SYNE3: variants seen among roughly 807,000 people sequenced by gnomAD.
SYNE3 encodes the protein spectrin repeat containing nuclear envelope family member 3.
A neutral mutation model predicts 111.2 loss-of-function variants in SYNE3; 100 were observed. That is an observed-to-expected ratio of 0.90 (90% CI 0.77 to 1.06). The LOEUF (loss-of-function observed/expected upper bound fraction) is 1.06. SYNE3 is among the 50% of genes least tolerant of loss of function. SYNE3 has a pLI of 0.00. For synonymous variants in SYNE3, 547 were observed against 533.9 expected, an observed-to-expected ratio of 1.02 and a Z score of -0.34; for missense variants, 1,160 against 1,240.3, an observed-to-expected ratio of 0.94 and a Z score of 0.97.
At chr14:95,418,061 G>T (rs777101883) in intron 17 of SYNE3, 35 bp from the exon 18 acceptor site, 6 of 1,600,192 alleles carry the variant, frequency 3.7e-6, no homozygotes, top group Non-Finnish European at 4.2e-6. Context: ...GAGTGGGCTG[G>T]GGGGCTCTGG....
Position 95,447,379 on chromosome 14 carries a change from G to A in SYNE3, c.1450-1288C>T, listed in dbSNP as rs529007618. Among the ~76,000 whole-genome samples, 42 of 152,094 alleles carry A rather than the reference G, an allele frequency of 2.8e-4. No individual in the cohort carries two copies. The South Asian group carries it at 2.9e-3, about 11-fold the overall frequency. On this transcript the variant is annotated intron_variant, in intron 8 of 17. Coordinates refer to ENST00000682763, the MANE Select transcript of SYNE3 (RefSeq NM_152592.6). The stretch of plus-strand genomic sequence containing the variant: ...TCTCGATCTCCTGACCTCGTGATCC[G>A]CCCACCTCGGCCTCCCAAAGTGCTG...
At chr14:95,444,399 T>TGCTGGTTACTGCTAGAGGGAGAC in intron 10 of SYNE3, 86 bp downstream of exon 10, 1 of 1,480,850 alleles carries the variant, frequency 6.8e-7, no homozygotes, top group South Asian at 1.4e-5. Context: ...GCTGTTGCTT[T>TGCTGGTTACTGCTAGAGGGAGAC]GCTGGTTACT....
rs3742344 is a variant in SYNE3 at position 95,409,760 on chromosome 14, C to G, written c.*8066G>C. On this transcript the variant is annotated 3_prime_UTR_variant, in exon 18 of 18. Transcript: ENST00000682763. Reference sequence around the variant, plus strand: ...ACAGAAGCTAAGGGAGAAACGACAGCTGGTTTTAAGTCCTCTTTGACTCTG... The same window carrying G: ...ACAGAAGCTAAGGGAGAAACGACAGGTGGTTTTAAGTCCTCTTTGACTCTG... 44,795 of 244,442 alleles carry G rather than the reference C, an allele frequency of 0.18. 4,316 individuals are homozygous for G. Among genetic ancestry groups the G allele is most frequent in the Admixed American group, 0.26 (4,936 of 19,286 alleles). 15.1% of individuals were successfully genotyped at this position (244,442 alleles called of 1,614,324 possible).
Position 95,432,114 on chromosome 14 carries a change from G to T in SYNE3, c.2692C>A (p.Gln898Lys). The T allele has an allele frequency of 6.2e-7, 1 of 1,612,378 alleles. No individual in the cohort carries two copies. The highest frequency in any genetic ancestry group is 1.1e-5 in the South Asian group (1 of 90,592). Residue 898 changes from glutamine (Q) to lysine (K), a missense_variant, in exon 17 of 18, where the codon CAA (glutamine) becomes AAA (lysine). Coordinates refer to ENST00000682763, the MANE Select transcript of SYNE3 (RefSeq NM_152592.6). Reference protein sequence around the residue: ...KLKDSGHLLTQSSPGEPTGFQ... With the variant: ...KLKDSGHLLTKSSPGEPTGFQ... Reference sequence around the variant, plus strand: ...CCAGTCGGCTCCCCTGGAGAACTTTGTGTCTGTTATTTTAGGGAAGGAGAG... The same window carrying T: ...CCAGTCGGCTCCCCTGGAGAACTTTTTGTCTGTTATTTTAGGGAAGGAGAG...
chr14:95,443,559 C>A, intron 10 of SYNE3: 1 of 403,690 alleles, frequency 2.5e-6, no homozygotes, highest in Non-Finnish European at 4.4e-6. Flanking sequence ...TCTCTGGGGA[C>A]AAACTCACAT....
intron 17 of SYNE3, among the ~76,000 whole-genome samples, chr14:95,420,576 G>A (rs1885059796): frequency 6.6e-6 from 1 of 152,158 alleles, no homozygotes; most frequent in Admixed American, 6.5e-5. Context: ...ACAAGGGATG[G>A]TCTTCTCAAA....
intron 2 of SYNE3, among the ~76,000 whole-genome samples, chr14:95,469,908 A>T (rs914029926): frequency 6.6e-6 from 1 of 151,864 alleles, no homozygotes; most frequent in African/African-American, 2.4e-5. Flanking sequence ...CGATGATGAT[A>T]ATAGTATAGA....
intron 4 of SYNE3, among the ~76,000 whole-genome samples, chr14:95,464,731 C>T (rs1238270678): frequency 5.3e-5 from 8 of 152,212 alleles, no homozygotes; most frequent in East Asian, 3.9e-4. Flanking sequence ...GTCCCAGCTG[C>T]AGGCTTCTGC....
At chr14:95,490,921 T>G (rs1424989821) in intron 1 of SYNE3, among the ~76,000 whole-genome samples, 1 of 152,188 alleles carries the variant, frequency 6.6e-6, no homozygotes, top group Non-Finnish European at 1.5e-5. Context: ...ACCTTCCCAT[T>G]AGAATGTCCC....
At chr14:95,484,182 A>G (rs1889414992) in intron 1 of SYNE3, among the ~76,000 whole-genome samples, 1 of 152,204 alleles carries the variant, frequency 6.6e-6, no homozygotes, top group South Asian at 2.1e-4. Context: ...GGGAGAGAAG[A>G]CACCAGGGCA....
At chr14:95,475,043 C>T (rs761479680) in intron 2 of SYNE3, among the ~76,000 whole-genome samples, 54 of 152,240 alleles carry the variant, frequency 3.5e-4, no homozygotes, top group Non-Finnish European at 6.3e-4. Flanking sequence ...ATTATAACTC[C>T]GGCCTCCGAC....
In SYNE3 at chr14:95,436,885, C is replaced by G; in HGVS notation, c.2473G>C (p.Val825Leu). Reference protein sequence around the residue: ...QWLQVENSKLVRIIAMRTSTA... With the variant: ...QWLQVENSKLLRIIAMRTSTA... The stretch of plus-strand genomic sequence containing the variant: ...GAAGTTCTCATTGCGATGATTCTAA[C>G]CAGCTTGGAGTTTTCCACCTGCAAC... Residue 825 changes from valine to leucine, a missense_variant, in exon 15 of 18, where the codon GTT becomes CTT. Physicochemically the swap from Val to Leu is conservative, Grantham distance 32. Transcript: ENST00000682763. The G allele has an allele frequency of 1.9e-6, 3 of 1,614,180 alleles. No homozygotes were observed. Among genetic ancestry groups the G allele is most frequent in the Non-Finnish European group, 2.5e-6 (3 of 1,180,036 alleles).
At position 95,436,891 on chromosome 14, in the gene SYNE3, T is replaced by C; in HGVS notation, c.2467A>G (p.Lys823Glu). The C allele has an allele frequency of 6.2e-7, 1 of 1,614,180 alleles. No homozygotes were observed. The highest frequency in any genetic ancestry group is 8.5e-7 in the Non-Finnish European group (1 of 1,180,028). The stretch of plus-strand genomic sequence containing the variant: ...CTCATTGCGATGATTCTAACCAGCT[T>C]GGAGTTTTCCACCTGCAACCACTGC... ...FGQWLQVENS[K>E]LVRIIAMRTS... The change falls in exon 15 of 18, where the codon AAG becomes GAG. Residue 823 changes from lysine to glutamate, a missense_variant. By Grantham distance (56) the Lys-to-Glu change is moderately conservative. Transcript: ENST00000682763.
At chr14:95,466,391 T>C in intron 3 of SYNE3, 151 bp from the exon 4 acceptor site, 1 of 830,874 alleles carries the variant, frequency 1.2e-6, no homozygotes, top group Non-Finnish European at 1.8e-6. Context: ...CCTGGGCAGC[T>C]TGTTGACACT....
intron 17 of SYNE3, among the ~76,000 whole-genome samples, chr14:95,430,234 G>A (rs1464843567): frequency 6.6e-6 from 1 of 152,136 alleles, no homozygotes; most frequent in South Asian, 2.1e-4. Context: ...CTGGCCTAGG[G>A]GCTGCATAGG....
intron 4 of SYNE3, among the ~76,000 whole-genome samples, chr14:95,461,268 G>A (rs1887793819): frequency 6.6e-6 from 1 of 152,254 alleles, no homozygotes; most frequent in South Asian, 2.1e-4. Context: ...CAAGATGCCA[G>A]ACAGACGCGC....
chr14:95,436,074 AAGT>A (rs1303381871), intron 15 of SYNE3, among the ~76,000 whole-genome samples: 1 of 152,112 alleles, frequency 6.6e-6, no homozygotes, highest in East Asian at 1.9e-4. Context: ...GACAGGAGAG[AAGT>A]AGTAGTTCAG....
At chr14:95,456,387 C>T (rs1887439197) in intron 5 of SYNE3, among the ~76,000 whole-genome samples, 1 of 152,224 alleles carries the variant, frequency 6.6e-6, no homozygotes, top group Non-Finnish European at 1.5e-5. Flanking sequence ...AGACCTGGCG[C>T]CTGCACCACG....
intron 6 of SYNE3, among the ~76,000 whole-genome samples, chr14:95,454,807 G>T (rs977651544): frequency 3.9e-5 from 6 of 152,172 alleles, no homozygotes; most frequent in African/African-American, 1.2e-4. Flanking sequence ...GAGGGCCGTT[G>T]CTTCTTATTT....
Sources: allele counts gnomAD v4.1 joint callset (sites outside exome capture counted in the v4.1 genomes callset), GRCh38; gene constraint gnomAD v4.1.1; transcripts MANE v1.5; gene names NCBI Gene and HGNC (gene_info 2026-07-23, HGNC 2026-07-21).